SIRPA: variants seen among roughly 807,000 people sequenced by gnomAD.
SIRPA encodes tyrosine-protein phosphatase non-receptor type substrate 1.
In SIRPA, 9 loss-of-function variants were observed where a neutral mutation model predicts 50.3. The observed-to-expected ratio is 0.18, with a 90% CI of 0.11 to 0.31. The LOEUF (loss-of-function observed/expected upper bound fraction) is 0.31. Among genes scored for constraint, SIRPA ranks in the 10% least tolerant of loss-of-function variants. The pLI is 1.00. For missense variants in SIRPA, 474 were observed against 661.6 expected (o/e 0.72, Z 3.11); for synonymous variants, 265 against 284.1 (o/e 0.93, Z 0.68).
Position 1,921,654 on chromosome 20 carries a change from C to T in SIRPA, c.696C>T (p.His232=), listed in dbSNP as rs769493586. Residue 232 remains histidine (H), a synonymous_variant, in exon 3 of 8, where the codon CAC becomes CAT. Coordinates refer to ENST00000358771, the MANE Select transcript of SIRPA (RefSeq NM_001040023.2). The part of the protein sequence containing the change: ...VHSQVICEVA[H]VTLQGDPLRG... ...CTCAAGTCATCTGCGAGGTGGCCCA[C>T]GTCACCTTGCAGGGGGACCCTCTTC... The T allele has an allele frequency of 3.7e-5, 60 of 1,614,082 alleles. No homozygotes were observed. The highest frequency in any genetic ancestry group is 2.7e-4 in the Admixed American group (16 of 60,010).
chr20:1,917,638 G>A (rs1354712710), intron 2 of SIRPA, among the ~76,000 whole-genome samples: 4 of 152,180 alleles, frequency 2.6e-5, no homozygotes, highest in Non-Finnish European at 4.4e-5. Context: ...TGTTCCTAAA[G>A]GACAGGTCTC....
In SIRPA at chr20:1,938,882, G is replaced by A. The variant is rs1026227666; in HGVS notation, c.*1314G>A. The A allele has an allele frequency of 6.6e-6, 1 of 152,670 alleles. No homozygotes were observed. Among genetic ancestry groups the A allele is most frequent in the Non-Finnish European group, 1.5e-5 (1 of 68,054 alleles). 9.5% of individuals were successfully genotyped at this position (152,670 alleles called of 1,614,324 possible). ...GGAACACACAGAGGGTAGGGATAGT[G>A]GCCCTGGCCGTCTATCCTACCCCTT... On this transcript the variant is annotated 3_prime_UTR_variant, in exon 8 of 8. Transcript: ENST00000358771.
intron 1 of SIRPA, among the ~76,000 whole-genome samples, chr20:1,908,746 T>G (rs1250816304): frequency 1.3e-5 from 2 of 152,216 alleles, no homozygotes; most frequent in African/African-American, 4.8e-5. Context: ...ACATCCTGTG[T>G]GCATCCGCTT....
In SIRPA at chr20:1,928,339, G is replaced by A. The variant is rs1185591639; in HGVS notation, c.1226+440G>A. 6.6e-6 allele frequency among the ~76,000 whole-genome samples: 1 copy of A among 152,160 alleles called. No homozygotes were observed. The highest frequency in any genetic ancestry group is 1.5e-5 in the Non-Finnish European group (1 of 68,024). On this transcript the variant is annotated intron_variant, in intron 6 of 7. Transcript: ENST00000358771. This position sits in a 1 kb window ranked among gnomAD's most constrained non-coding sequence, Gnocchi z 4.9. ...CCGGGATGAGTAGGATAGAATCTGT[G>A]CCCTCTGCAAGCTCACAGCCTGGTC... is the stretch of plus-strand genomic sequence containing the variant.
In SIRPA at chr20:1,908,653, TAC is replaced by T. The variant is rs986942409; in HGVS notation, c.80-6441_80-6440del. On this transcript the variant is annotated intron_variant, in intron 1 of 7. Transcript: ENST00000358771. ...TGCTCTGTACACGCATACATGTATG[TAC>T]ACACGTGTGTTCTCGTGTGCATACT... 3.3e-5 allele frequency among the ~76,000 whole-genome samples: 5 copies of T among 152,332 alleles called. No homozygotes were observed. In the East Asian group the frequency reaches 5.8e-4, roughly 18 times the overall value.
intron 1 of SIRPA, among the ~76,000 whole-genome samples, chr20:1,901,411 TCCTC>T (rs1984200942): frequency 6.6e-6 from 1 of 152,056 alleles, no homozygotes; most frequent in Non-Finnish European, 1.5e-5. Flanking sequence ...CCTCAGGTGA[TCCTC>T]CCGCCTCGGC....
In SIRPA at chr20:1,921,593, C is replaced by T. The variant is rs1215901087; in HGVS notation, c.635C>T (p.Thr212Ile). The T allele has an allele frequency of 5.6e-6, 9 of 1,614,250 alleles. No homozygotes were observed. The highest frequency in any genetic ancestry group is 6.8e-6 in the Non-Finnish European group (8 of 1,180,052). The change falls in exon 3 of 8, where the codon ACA becomes ATA. Residue 212 changes from threonine to isoleucine, a missense_variant. This residue lies in a region of SIRPA where 221 missense variants were observed against 359.9 expected (regional missense o/e 0.61). Transcript: ENST00000358771. ...AGCGTGTCCTACAGCATCCACAGCA[C>T]AGCCAAGGTGGTGCTGACCCGCGAG... ...GESVSYSIHS[T>I]AKVVLTREDV...
intron 1 of SIRPA, among the ~76,000 whole-genome samples, chr20:1,907,901 G>C (rs192234303): frequency 1.3e-5 from 2 of 152,186 alleles, no homozygotes; most frequent in African/African-American, 4.8e-5. Flanking sequence ...GCCATCCACT[G>C]GTGCAGCCCC....
At chr20:1,904,482 G>A (rs1170133000) in intron 1 of SIRPA, among the ~76,000 whole-genome samples, 2 of 152,098 alleles carry the variant, frequency 1.3e-5, no homozygotes, top group African/African-American at 2.4e-5. Context: ...CAGACCACTC[G>A]GCAGCCCTGT....
At chr20:1,919,035 G>A (rs529103940) in intron 2 of SIRPA, among the ~76,000 whole-genome samples, 5 of 152,334 alleles carry the variant, frequency 3.3e-5, no homozygotes, top group African/African-American at 1.2e-4. Flanking sequence ...ATCCTGTAGC[G>A]TGCTTAGGGC....
rs1028879180 is a variant in SIRPA, at chr20:1,928,451, C to T, written c.1226+552C>T. On this transcript the variant is annotated intron_variant, in intron 6 of 7. Transcript: ENST00000358771. The surrounding 1 kb of genome is among the most constrained non-coding windows in gnomAD (Gnocchi z 4.9). ...GATTCACATTTTTAGTGACTTGAGTCCCTACTATGTGCCAGCCCTGCTCAG... is the reference window on the plus strand; with the variant it reads ...GATTCACATTTTTAGTGACTTGAGTTCCTACTATGTGCCAGCCCTGCTCAG... Among the ~76,000 whole-genome samples the T allele has an allele frequency of 3.3e-5, 5 of 152,148 alleles. No homozygotes were observed. The highest frequency in any genetic ancestry group is 1.3e-4 in the Admixed American group (2 of 15,268).
Position 1,932,632 on chromosome 20 carries a change from A to G in SIRPA, c.1227-2083A>G, listed in dbSNP as rs2122180662. ...GCAGAAAAGTAACATGACATCACTT[A>G]TGCATTTCAGATAGGGAGAATGGAG... On this transcript the variant is annotated intron_variant, in intron 6 of 7. Transcript: ENST00000358771. This position sits in a 1 kb window ranked among gnomAD's most constrained non-coding sequence, Gnocchi z 6.0. Among the ~76,000 whole-genome samples, 1 of 152,298 alleles carries G rather than the reference A, an allele frequency of 6.6e-6. No individual in the cohort carries two copies. Among genetic ancestry groups the G allele is most frequent in the South Asian group, 2.1e-4 (1 of 4,826 alleles).
At chr20:1,915,524 T>C (rs990762606) in intron 2 of SIRPA, 69 bp downstream of exon 2, 459 of 1,553,606 alleles carry the variant, frequency 3.0e-4, no homozygotes, top group Non-Finnish European at 4.0e-4. Context: ...CCCTCCATTC[T>C]TTGAGCAATG....
At position 1,933,336 on chromosome 20, in the gene SIRPA, G is replaced by T. The variant is rs922975442; in HGVS notation, c.1227-1379G>T. ...AGGAAACAGGAAAGTTAGCCAAGAG[G>T]AAAAATGATCAAAGGGGTCCTTCGA... is the stretch of plus-strand genomic sequence containing the variant. On this transcript the variant is annotated intron_variant, in intron 6 of 7. Coordinates refer to ENST00000358771, the MANE Select transcript of SIRPA (RefSeq NM_001040023.2). This position sits in a 1 kb window ranked among gnomAD's most constrained non-coding sequence, Gnocchi z 4.4. 6.6e-6 allele frequency among the ~76,000 whole-genome samples: 1 copy of T among 151,540 alleles called. No homozygotes were observed. The highest frequency in any genetic ancestry group is 1.5e-5 in the Non-Finnish European group (1 of 67,950).
Position 1,898,233 on chromosome 20 carries a change from TA to T in SIRPA, c.79+2709del, listed in dbSNP as rs1285656108. On this transcript the variant is annotated intron_variant, in intron 1 of 7. Coordinates refer to ENST00000358771, the MANE Select transcript of SIRPA (RefSeq NM_001040023.2). The surrounding 1 kb of genome is among the most constrained non-coding windows in gnomAD (Gnocchi z 4.3). ...TCTGTACTTTCCTAAATGGTAAAGT[TA>T]ATCTCACTTCCTCTTTCGTAAGAAG... Among the ~76,000 whole-genome samples, 1 of 152,250 alleles carries T rather than the reference TA, an allele frequency of 6.6e-6. No individual in the cohort carries two copies. The highest frequency in any genetic ancestry group is 1.9e-4 in the East Asian group (1 of 5,198).
In SIRPA at chr20:1,937,431, C is replaced by T; in HGVS notation, c.1378C>T (p.Pro460Ser). 4 of 1,614,130 alleles carry T rather than the reference C, an allele frequency of 2.5e-6. No homozygotes were observed. The Middle Eastern group carries it at 6.6e-4, about 266-fold the overall frequency. ...GGAGTATGCCAGCATTCAGACCAGC[C>T]CGCAGCCCGCGTCGGAGGACACCCT... ...HTEYASIQTS[P>S]QPASEDTLTY... Residue 460 changes from proline (P) to serine (S), a missense_variant, in exon 8 of 8, where the codon CCG (proline) becomes TCG (serine). Around this residue, in one of 4 missense-constraint regions of SIRPA, gnomAD observed 180 missense variants for 206.7 expected, o/e 0.87. Transcript: ENST00000358771. This position sits in a 1 kb window ranked among gnomAD's most constrained non-coding sequence, Gnocchi z 8.3.
intron 6 of SIRPA, among the ~76,000 whole-genome samples, chr20:1,930,267 C>G (rs1021623285): frequency 6.6e-6 from 1 of 152,204 alleles, no homozygotes; most frequent in African/African-American, 2.4e-5. Flanking sequence ...GGTGCCGCAG[C>G]GTGGACACCC....
chr20:1,923,999 T>A (rs1234469161), intron 4 of SIRPA, among the ~76,000 whole-genome samples: 1 of 151,768 alleles, frequency 6.6e-6, no homozygotes, highest in Non-Finnish European at 1.5e-5. Flanking sequence ...GTTGGTTGGT[T>A]GGTTGGTTGG....
At chr20:1,900,654 C>T (rs1040808964) in intron 1 of SIRPA, among the ~76,000 whole-genome samples, 3 of 152,200 alleles carry the variant, frequency 2.0e-5, no homozygotes, top group African/African-American at 4.8e-5. Flanking sequence ...CGGGCCCACG[C>T]GGGAGATCCA....
Sources: allele counts gnomAD v4.1 joint callset (sites outside exome capture counted in the v4.1 genomes callset), GRCh38; gene constraint gnomAD v4.1.1; regional missense constraint gnomAD v4.1.1; non-coding constraint Gnocchi (gnomAD v3.1); transcripts MANE v1.5; gene names NCBI Gene and HGNC (gene_info 2026-07-23, HGNC 2026-07-21).